IAH1: variants seen among roughly 807,000 people sequenced by gnomAD.
IAH1 encodes isoamyl acetate-hydrolyzing esterase 1 homolog.
IAH1 carries 24 observed loss-of-function variants against 26.7 expected under a neutral mutation model. That is an observed-to-expected ratio of 0.90 (90% CI 0.65 to 1.26). The LOEUF (loss-of-function observed/expected upper bound fraction) is 1.26, where lower values mean the gene tolerates loss of function less well. IAH1 is among the 50% of genes most tolerant of loss of function. The pLI, the probability that IAH1 is intolerant of heterozygous loss-of-function variation, is 0.00. For synonymous variants in IAH1, 140 were observed against 118.5 expected, an observed-to-expected ratio of 1.18 and a Z score of -1.18; for missense variants, 300 against 299.9, an observed-to-expected ratio of 1.00 and a Z score of 0.00.
intron 4 of IAH1, 72 bp downstream of exon 4, chr2:9,481,519 G>T: frequency 6.8e-7 from 1 of 1,476,724 alleles, no homozygotes; most frequent in East Asian, 2.3e-5. Context: ...TAGGACAGTG[G>T]TTTCCTGCCT....
intron 4 of IAH1, among the ~76,000 whole-genome samples, chr2:9,483,417 A>G (rs936925042): frequency 2.6e-5 from 4 of 152,106 alleles, no homozygotes; most frequent in African/African-American, 4.8e-5. Flanking sequence ...CTAATTTTTT[A>G]AATTTTTTTG....
chr2:9,501,335 G>A (rs35280016), downstream of IAH1, among the ~76,000 whole-genome samples: 17,519 of 152,196 alleles, frequency 0.12, 1,262 homozygotes, highest in Middle Eastern at 0.23. Flanking sequence ...TGGCCAGAAC[G>A]TCAGGATAAG....
chr2:9,482,552 G>C (rs984788619), intron 4 of IAH1, among the ~76,000 whole-genome samples: 4 of 152,180 alleles, frequency 2.6e-5, no homozygotes, highest in Non-Finnish European at 5.9e-5. Flanking sequence ...TACCAGTGGA[G>C]AAATGGAGTC....
At chr2:9,495,784 G>A (rs149838074) in intron 6 of IAH1, among the ~76,000 whole-genome samples, 2,128 of 150,932 alleles carry the variant, frequency 0.014, 17 homozygotes, top group Non-Finnish European at 0.022. Flanking sequence ...ACTGTGTCGG[G>A]CTCTGTCCTT....
downstream of IAH1, among the ~76,000 whole-genome samples, chr2:9,497,454 T>C (rs1662699542): frequency 6.6e-6 from 1 of 152,260 alleles, no homozygotes; most frequent in Admixed American, 6.5e-5. Context: ...CTAGGCTGCA[T>C]GAGTCCCTGG....
At chr2:9,511,979 T>TA in the IAH1 span, among the ~76,000 whole-genome samples, 6 of 147,264 alleles carry the variant, frequency 4.1e-5, no homozygotes, top group African/African-American at 7.5e-5. Flanking sequence ...TTAAAATAAA[T>TA]AAATAAAATA....
At chr2:9,482,792 GCA>G (rs1307022294) in intron 4 of IAH1, among the ~76,000 whole-genome samples, 1 of 152,224 alleles carries the variant, frequency 6.6e-6, no homozygotes, top group Non-Finnish European at 1.5e-5. Context: ...CACACCGGAG[GCA>G]CAGACAAACG....
At chr2:9,490,195 G>A (rs1274429136), downstream of IAH1, 1 of 1,595,464 alleles carries the variant, frequency 6.3e-7, no homozygotes, top group South Asian at 1.1e-5. Flanking sequence ...CTGTTTCTTT[G>A]CTGTCAACAC....
intron 3 of IAH1, among the ~76,000 whole-genome samples, chr2:9,479,795 CTTTTTTTTTTTTTTTTT>C (rs5829216): frequency 8.9e-4 from 62 of 69,876 alleles, no homozygotes; most frequent in Admixed American, 4.4e-3. Context: ...CTGTGTATTG[CTTTTTTTTTTTTTTTTT>C]TTTTTTTTTT....
chr2:9,474,702 C>T lies in IAH1; in HGVS notation c.81+55C>T. 1 of 1,322,092 alleles carries T rather than the reference C, an allele frequency of 7.6e-7. No individual in the cohort carries two copies. The highest frequency in any genetic ancestry group is 1.0e-6 in the Non-Finnish European group (1 of 969,708). The allele number at this position is 1,322,092 out of a possible 1,614,324, so 81.9% of individuals were successfully genotyped here. On this transcript the variant is annotated intron_variant, in intron 1 of 5. Coordinates refer to ENST00000497473, the MANE Select transcript of IAH1 (RefSeq NM_001039613.3). This position sits in a 1 kb window ranked among gnomAD's most constrained non-coding sequence, Gnocchi z 4.3. ...CCCCGGCCTCCCTGCGGGGTCGCTGCCGAGCAGGCCGAGGCTCCTCGCCGT... is the reference window on the plus strand; with the variant it reads ...CCCCGGCCTCCCTGCGGGGTCGCTGTCGAGCAGGCCGAGGCTCCTCGCCGT...
At chr2:9,476,068 T>C in intron 2 of IAH1, 29 bp downstream of exon 2, 1 of 1,579,712 alleles carries the variant, frequency 6.3e-7, no homozygotes, top group Non-Finnish European at 8.7e-7. Context: ...ACTTGAGTTC[T>C]TATGGATGGA....
At chr2:9,495,028 T>C (rs1164979219) in intron 6 of IAH1, among the ~76,000 whole-genome samples, 4 of 152,142 alleles carry the variant, frequency 2.6e-5, no homozygotes, top group Non-Finnish European at 5.9e-5. Flanking sequence ...CTCTTCAAAG[T>C]CTAACTATTC....
chr2:9,482,779 C>T (rs1324316745), intron 4 of IAH1, among the ~76,000 whole-genome samples: 1 of 152,220 alleles, frequency 6.6e-6, no homozygotes, highest in Non-Finnish European at 1.5e-5. Flanking sequence ...CCAAGGGGTG[C>T]CACACACCGG....
chr2:9,477,266 G>A (rs1478404681), intron 2 of IAH1, among the ~76,000 whole-genome samples: 1 of 152,042 alleles, frequency 6.6e-6, no homozygotes, highest in Non-Finnish European at 1.5e-5. Flanking sequence ...TTCTCCGCGG[G>A]TGCCCCAGCT....
At chr2:9,494,595 C>G (rs761236393), downstream of IAH1, 3 of 1,603,402 alleles carry the variant, frequency 1.9e-6, no homozygotes, top group Admixed American at 5.2e-5. Flanking sequence ...ATAAAAACTT[C>G]CTATCTGGCT....
downstream of IAH1, chr2:9,490,548 A>G: frequency 1.3e-6 from 2 of 1,585,260 alleles, no homozygotes; most frequent in East Asian, 2.3e-5. Context: ...ATTGATTGAT[A>G]GGAATAAAAG....
chr2:9,494,505 G>T, downstream of IAH1: 2 of 1,037,170 alleles, frequency 1.9e-6, no homozygotes, highest in Non-Finnish European at 2.8e-6. Flanking sequence ...AGTAATACCC[G>T]TAGATAACAA....
At chr2:9,504,886 G>T in the IAH1 span, among the ~76,000 whole-genome samples, 1 of 151,702 alleles carries the variant, frequency 6.6e-6, no homozygotes, top group Admixed American at 6.6e-5. Context: ...TTTCTTATTT[G>T]TTTTTTGTTT....
At chr2:9,498,381 G>T (rs1424065049), downstream of IAH1, among the ~76,000 whole-genome samples, 1 of 152,186 alleles carries the variant, frequency 6.6e-6, no homozygotes. Flanking sequence ...GGGAGAGACA[G>T]GATGGAATGA....
Sources: gnomAD v4.1 joint callset for allele counts (sites outside exome capture counted in the v4.1 genomes callset) on GRCh38, gnomAD v4.1.1 for gene constraint, Gnocchi (gnomAD v3.1) non-coding constraint, MANE v1.5 for transcripts, NCBI Gene and HGNC (gene_info 2026-07-23, HGNC 2026-07-21) for gene names.